The following DLGAP1 variants were observed in gnomAD, a reference collection of about 807,000 sequenced individuals.
DLGAP1 encodes the protein disks large-associated protein 1.
In DLGAP1, 11 loss-of-function variants were observed where a neutral mutation model predicts 90.8. The ratio of observed to expected loss-of-function variants is 0.12; its 90% CI spans 0.08 to 0.20. The LOEUF is 0.20. DLGAP1 is among the 10% of genes least tolerant of loss of function. The pLI, the probability that DLGAP1 is intolerant of heterozygous loss-of-function variation, is 1.00. For synonymous variants in DLGAP1, 558 were observed against 540.7 expected, an observed-to-expected ratio of 1.03 and a Z score of -0.44; for missense variants, 1,050 against 1,333.8, an observed-to-expected ratio of 0.79 and a Z score of 3.31.
At chr18:3,651,520 A>T (rs2059301348) in intron 7 of DLGAP1, among the ~76,000 whole-genome samples, 1 of 151,918 alleles carries the variant, frequency 6.6e-6, no homozygotes. Context: ...CAGCTGGGCA[A>T]GGTGGCTCAT....
At chr18:4,368,450 G>A (rs2081828741) in intron 1 of DLGAP1, among the ~76,000 whole-genome samples, 1 of 152,104 alleles carries the variant, frequency 6.6e-6, no homozygotes, top group Non-Finnish European at 1.5e-5. Context: ...CGAATCAGTA[G>A]AAGGCCTTAA....
At chr18:3,994,632 T>C (rs2074032383) in intron 3 of DLGAP1, among the ~76,000 whole-genome samples, 1 of 152,180 alleles carries the variant, frequency 6.6e-6, no homozygotes, top group Admixed American at 6.5e-5. Context: ...TTCAGGCAAA[T>C]AGGCTCTAGA....
chr18:3,685,204 A>C (rs1423516435), intron 7 of DLGAP1, among the ~76,000 whole-genome samples: 1 of 152,182 alleles, frequency 6.6e-6, no homozygotes, highest in Non-Finnish European at 1.5e-5. Context: ...ATCAGCAACC[A>C]AGAGAAAGGA....
intron 4 of DLGAP1, among the ~76,000 whole-genome samples, chr18:3,852,253 A>C (rs2069382833): frequency 6.6e-6 from 1 of 152,192 alleles, no homozygotes; most frequent in Non-Finnish European, 1.5e-5. Context: ...ATCCCAGAAA[A>C]ATTTTTGAAA....
At chr18:3,925,284 G>A (rs1246175605) in intron 3 of DLGAP1, among the ~76,000 whole-genome samples, 1 of 108,238 alleles carries the variant, frequency 9.2e-6, no homozygotes, top group Non-Finnish European at 2.0e-5. Context: ...AGATTTGTGG[G>A]ATTTTTTTTT....
intron 4 of DLGAP1, among the ~76,000 whole-genome samples, chr18:3,851,567 T>A (rs962669331): frequency 7.2e-5 from 11 of 152,168 alleles, no homozygotes; most frequent in Non-Finnish European, 1.0e-4. Context: ...AGGAGTAATA[T>A]ACAAGTAATA....
rs1021814121 is a variant in DLGAP1 at position 4,084,354 on chromosome 18, T to C, written c.-159+66826A>G. The stretch of plus-strand genomic sequence containing the variant: ...ATAACTCATTTAACAATCTTTCCAT[T>C]GTTAAAAATTTAGATTTGTTTTCGA... On this transcript the variant is annotated intron_variant, in intron 2 of 12. Transcript: ENST00000315677. The surrounding 1 kb of genome is among the most constrained non-coding windows in gnomAD (Gnocchi z 4.0). Among the ~76,000 whole-genome samples the C allele has an allele frequency of 6.6e-6, 1 of 152,226 alleles. No individual in the cohort carries two copies. Among genetic ancestry groups the C allele is most frequent in the African/African-American group, 2.4e-5 (1 of 41,456 alleles).
In DLGAP1 at chr18:3,514,328, C is replaced by T. The variant is rs529020994; in HGVS notation, c.2480-5667G>A. ...TACACCTAACTCCACGATCATCAGA[C>T]CTTACTTTAAGGCCTCAGAAACAGA... is the stretch of plus-strand genomic sequence containing the variant. On this transcript the variant is annotated intron_variant, in intron 10 of 12. Transcript: ENST00000315677. Among the ~76,000 whole-genome samples, 84 of 152,274 alleles carry T rather than the reference C, an allele frequency of 5.5e-4. No individual in the cohort carries two copies. The South Asian group carries it at 0.011, about 19-fold the overall frequency.
chr18:3,804,382 C>T (rs141169265), intron 5 of DLGAP1, among the ~76,000 whole-genome samples: 5 of 152,298 alleles, frequency 3.3e-5, no homozygotes, highest in Admixed American at 1.3e-4. Flanking sequence ...TGCTCCCTGC[C>T]CCCTCATAGA....
intron 7 of DLGAP1, among the ~76,000 whole-genome samples, chr18:3,602,051 T>A (rs1224772746): frequency 6.6e-6 from 1 of 151,758 alleles, no homozygotes; most frequent in Non-Finnish European, 1.5e-5. Context: ...TGATTTACCT[T>A]GGCCCACTAT....
intron 1 of DLGAP1, among the ~76,000 whole-genome samples, chr18:4,331,609 C>T (rs1036502672): frequency 6.6e-6 from 1 of 151,780 alleles, no homozygotes; most frequent in Non-Finnish European, 1.5e-5. Context: ...CATTGCACTT[C>T]GAACAAAATG....
intron 7 of DLGAP1, among the ~76,000 whole-genome samples, chr18:3,699,518 C>T (rs977487503): frequency 2.0e-5 from 3 of 152,172 alleles, no homozygotes; most frequent in Admixed American, 2.0e-4. Context: ...AGCTTCATCC[C>T]AGAGGGGCAT....
chr18:4,000,931 T>C (rs1219384965), intron 3 of DLGAP1, among the ~76,000 whole-genome samples: 1 of 152,232 alleles, frequency 6.6e-6, no homozygotes, highest in Non-Finnish European at 1.5e-5. Flanking sequence ...TCCTTTCAAA[T>C]GTTGGGCAAG....
intron 5 of DLGAP1, among the ~76,000 whole-genome samples, chr18:3,766,767 G>A (rs543754954): frequency 6.6e-6 from 1 of 152,144 alleles, no homozygotes; most frequent in East Asian, 1.9e-4. Flanking sequence ...CAAATACACT[G>A]AACTGGAGGA....
intron 3 of DLGAP1, among the ~76,000 whole-genome samples, chr18:3,958,516 A>G (rs566535865): frequency 1.3e-5 from 2 of 151,728 alleles, no homozygotes; most frequent in East Asian, 3.9e-4. Flanking sequence ...TGGCTAAGTC[A>G]AGTACTCAAG....
intron 7 of DLGAP1, among the ~76,000 whole-genome samples, chr18:3,662,520 A>G (rs2059720365): frequency 6.6e-6 from 1 of 152,232 alleles, no homozygotes; most frequent in South Asian, 2.1e-4. Flanking sequence ...TAGTGGACAC[A>G]TAATCAGCTT....
intron 3 of DLGAP1, among the ~76,000 whole-genome samples, chr18:3,902,547 A>G (rs1022442749): frequency 2.0e-5 from 3 of 152,200 alleles, no homozygotes; most frequent in Non-Finnish European, 4.4e-5. Context: ...TAAGTTTCAC[A>G]ATAGATCTGG....
At chr18:4,208,137 A>G (rs192630088) in intron 1 of DLGAP1, among the ~76,000 whole-genome samples, 17 of 152,328 alleles carry the variant, frequency 1.1e-4, no homozygotes, top group African/African-American at 3.8e-4. Context: ...TGATACAACA[A>G]TCAGAGAGGA....
Position 3,499,044 on chromosome 18 carries a change from G to T in DLGAP1, c.*141C>A, listed in dbSNP as rs946069166. ...GGGGGGCCCGGGGGGCGGCTCCTGC[G>T]AGGTGGACAACTACACCGCGACAGT... On this transcript the variant is annotated 3_prime_UTR_variant, in exon 13 of 13. Transcript: ENST00000315677. This position sits in a 1 kb window ranked among gnomAD's most constrained non-coding sequence, Gnocchi z 6.4. 6.8e-6 allele frequency: 5 copies of T among 731,696 alleles called. No homozygotes were observed. Among genetic ancestry groups the T allele is most frequent in the Non-Finnish European group, 1.1e-5 (5 of 474,700 alleles). The allele number at this position is 731,696 out of a possible 1,614,324, so 45.3% of individuals were successfully genotyped here. A position where few individuals can be genotyped will look rare whatever the true frequency, so the allele number is the denominator to read the frequency against.
Sources: gnomAD v4.1 joint callset for allele counts (sites outside exome capture counted in the v4.1 genomes callset) on GRCh38, gnomAD v4.1.1 for gene constraint, Gnocchi (gnomAD v3.1) non-coding constraint, MANE v1.5 for transcripts, NCBI Gene and HGNC (gene_info 2026-07-23, HGNC 2026-07-21) for gene names.